Variants in MATCAP1 observed in about 807,000 individuals in gnomAD.
MATCAP1 encodes the protein microtubule associated tyrosine carboxypeptidase 1.
chr16:67,177,301 C>T, the MATCAP1 span, among the ~76,000 whole-genome samples: 3 of 152,202 alleles, frequency 2.0e-5, no homozygotes, highest in African/African-American at 7.2e-5. Context: ...GCCCCATGTC[C>T]AAAAGTCAAC....
At chr16:67,178,522 G>A in the MATCAP1 span, 6 of 1,519,016 alleles carry the variant, frequency 3.9e-6, no homozygotes, top group Non-Finnish European at 5.3e-6. Context: ...GAAGGCGAGG[G>A]GAGGCGGCGC....
chr16:67,178,604 G>T, the MATCAP1 span: 1 of 1,036,534 alleles, frequency 9.6e-7, no homozygotes, highest in Non-Finnish European at 1.4e-6. Flanking sequence ...GGCTCTGGCC[G>T]CGACACTTCC....
At chr16:67,180,751 G>A in the MATCAP1 span, 6 of 497,114 alleles carry the variant, frequency 1.2e-5, no homozygotes, top group Non-Finnish European at 2.0e-5. Flanking sequence ...CATTGCCTCT[G>A]CTGGGCCCTT....
chr16:67,183,749 T>A, the MATCAP1 span: 1 of 159,474 alleles, frequency 6.3e-6, no homozygotes, highest in East Asian at 1.9e-4. Context: ...GTGAAGGGCG[T>A]GCCCAATGGA....
At chr16:67,178,198 C>G in the MATCAP1 span, 1 of 1,537,710 alleles carries the variant, frequency 6.5e-7, no homozygotes, top group Non-Finnish European at 8.8e-7. Context: ...CTGGCGCACA[C>G]CTGGCAGCGA....
chr16:67,177,059 C>T, the MATCAP1 span: 1 of 1,284,730 alleles, frequency 7.8e-7, no homozygotes, highest in Non-Finnish European at 1.0e-6. Flanking sequence ...TTACAGCTCA[C>T]AGCCTTTGCT....
chr16:67,180,400 G>A, the MATCAP1 span: 52 of 1,612,746 alleles, frequency 3.2e-5, no homozygotes, highest in Non-Finnish European at 4.2e-5. Context: ...CGGTGGCCCA[G>A]GAGCATCTGT....
chr16:67,183,183 G>GT, the MATCAP1 span: 2 of 152,070 alleles, frequency 1.3e-5, no homozygotes, highest in Admixed American at 6.6e-5. Context: ...TAACTGTACA[G>GT]TTTTTTGGAC....
the MATCAP1 span, chr16:67,178,546 C>T: frequency 4.7e-6 from 7 of 1,484,860 alleles, no homozygotes; most frequent in Admixed American, 1.0e-4. Flanking sequence ...GCGGGGCGTT[C>T]GGGGACCCGC....
At chr16:67,178,115 G>T in the MATCAP1 span, 36 of 1,609,990 alleles carry the variant, frequency 2.2e-5, no homozygotes, top group Non-Finnish European at 2.9e-5. Flanking sequence ...AACCTGGGAG[G>T]GCAGGAGGGC....
chr16:67,175,796 A>G, the MATCAP1 span: 6 of 152,390 alleles, frequency 3.9e-5, no homozygotes, highest in South Asian at 2.1e-4. Context: ...AGTGGGGTTC[A>G]CACAGCTAAG....
chr16:67,177,184 C>T, the MATCAP1 span, among the ~76,000 whole-genome samples: 2 of 152,158 alleles, frequency 1.3e-5, no homozygotes, highest in East Asian at 1.9e-4. Context: ...GTCATAGATG[C>T]CCTACAACCC....
chr16:67,179,882 A>G, the MATCAP1 span: 4 of 1,614,246 alleles, frequency 2.5e-6, no homozygotes, highest in East Asian at 8.9e-5. The surrounding 1 kb of genome is among the most constrained non-coding windows in gnomAD (Gnocchi z 5.2). Flanking sequence ...CTTGGTGAGC[A>G]GCTGCCCCCC....
the MATCAP1 span, chr16:67,178,804 T>C: frequency 1.1e-4 from 66 of 620,924 alleles, 1 homozygote; most frequent in South Asian, 1.0e-3. Flanking sequence ...CAAACTGACA[T>C]TGCCCCCAGC....
the MATCAP1 span, chr16:67,180,481 AC>A: frequency 6.2e-7 from 1 of 1,602,410 alleles, no homozygotes; most frequent in Admixed American, 1.7e-5. Context: ...AAGGCCAGGG[AC>A]TGAGACCAGG....
At chr16:67,180,576 T>A in the MATCAP1 span, 1 of 1,524,808 alleles carries the variant, frequency 6.6e-7, no homozygotes, top group Non-Finnish European at 8.8e-7. Context: ...GGGGGGTGCC[T>A]GATCATACGC....
the MATCAP1 span, chr16:67,179,749 C>G: frequency 6.2e-7 from 1 of 1,602,152 alleles, no homozygotes; most frequent in Non-Finnish European, 8.5e-7. The surrounding 1 kb of genome is among the most constrained non-coding windows in gnomAD (Gnocchi z 5.2). Context: ...GGAGCTGGAC[C>G]TGGGACCGCC....
At chr16:67,178,329 G>C in the MATCAP1 span, 3 of 1,581,852 alleles carry the variant, frequency 1.9e-6, no homozygotes, top group Admixed American at 5.4e-5. Context: ...CGCGGTGGAT[G>C]GTGTAGTAGA....
chr16:67,177,878 T>C, the MATCAP1 span: 1 of 741,500 alleles, frequency 1.3e-6, no homozygotes. Context: ...CTGTTCTCAC[T>C]TCCACCCACG....
Sources: gnomAD v4.1 joint callset for allele counts (sites outside exome capture counted in the v4.1 genomes callset) on GRCh38, gnomAD v4.1.1 for gene constraint, Gnocchi (gnomAD v3.1) non-coding constraint, MANE v1.5 for transcripts, NCBI Gene and HGNC (gene_info 2026-07-23, HGNC 2026-07-21) for gene names.